Variants in CSMD1 observed in about 807,000 individuals in gnomAD.
The protein encoded by CSMD1 is CUB and Sushi multiple domains 1.
In CSMD1, 213 loss-of-function variants were observed where a neutral mutation model predicts 417.5. The ratio of observed to expected loss-of-function variants is 0.51; its 90% confidence interval spans 0.46 to 0.57. CSMD1 has a LOEUF of 0.57. CSMD1 is among the 20% of genes least tolerant of loss of function. CSMD1 has a pLI of 0.00. For missense variants in CSMD1, 6,923 were observed against 4,529.7 expected, an observed-to-expected ratio of 1.53 and a Z score of -15.17; for synonymous variants, 2,862 against 1,736.8, an observed-to-expected ratio of 1.65 and a Z score of -16.11.
intron 2 of CSMD1, among the ~76,000 whole-genome samples, chr8:4,578,598 C>CCT (rs1799254230): frequency 6.6e-6 from 1 of 151,112 alleles, no homozygotes; most frequent in Admixed American, 6.6e-5. Flanking sequence ...GGGCGGTTCA[C>CCT]GAGGTCAGGA....
intron 1 of CSMD1, among the ~76,000 whole-genome samples, chr8:4,666,002 G>A (rs115123650): frequency 3.3e-5 from 5 of 152,054 alleles, no homozygotes; most frequent in African/African-American, 4.8e-5. Context: ...ACTCTGCATC[G>A]GCAGCAGCAC....
chr8:4,076,297 A>G (rs772313929), intron 3 of CSMD1, among the ~76,000 whole-genome samples: 2 of 152,154 alleles, frequency 1.3e-5, no homozygotes, highest in Non-Finnish European at 2.9e-5. Flanking sequence ...CTCTGCCATG[A>G]TTTTAAGTTT....
At chr8:4,099,407 T>C (rs75462004) in intron 3 of CSMD1, among the ~76,000 whole-genome samples, 61 of 152,224 alleles carry the variant, frequency 4.0e-4, no homozygotes, top group Non-Finnish European at 8.1e-4. Flanking sequence ...TGAAGCTGCT[T>C]TCTAAAGCCT....
intron 3 of CSMD1, among the ~76,000 whole-genome samples, chr8:4,366,389 A>G (rs541643348): frequency 6.6e-6 from 1 of 152,184 alleles, no homozygotes; most frequent in Non-Finnish European, 1.5e-5. Context: ...TGCAATGAAC[A>G]TATGCATGCA....
chr8:4,074,901 G>A (rs1008951018), intron 3 of CSMD1, among the ~76,000 whole-genome samples: 5 of 152,050 alleles, frequency 3.3e-5, no homozygotes, highest in Admixed American at 6.6e-5. Flanking sequence ...CGTGGCAGAA[G>A]TAGTTTCTCT....
At chr8:3,528,145 C>A (rs1563124346) in intron 10 of CSMD1, among the ~76,000 whole-genome samples, 1 of 152,178 alleles carries the variant, frequency 6.6e-6, no homozygotes, top group African/African-American at 2.4e-5. Context: ...AGGGAGCTGA[C>A]ATAGAATTAT....
In CSMD1 at chr8:4,364,593, G is replaced by A. The variant is rs1375056243; in HGVS notation, c.415+55360C>T. Among the ~76,000 whole-genome samples, 2 of 17,246 alleles carry A rather than the reference G, an allele frequency of 1.2e-4. 1 individual carries two copies. Among genetic ancestry groups the A allele is most frequent in the Non-Finnish European group, 1.9e-4 (2 of 10,606 alleles). The allele number at this position is 17,246 out of a possible 152,430, so 11.3% of individuals were successfully genotyped here. On this transcript the variant is annotated intron_variant, in intron 3 of 69. Coordinates refer to ENST00000635120, the MANE Select transcript of CSMD1 (RefSeq NM_033225.6). The stretch of plus-strand genomic sequence containing the variant: ...TAATCCCAGCACTTTGGGAGGCCGA[G>A]GCGGGCGGATCACGAGGTCAGGAGA...
intron 26 of CSMD1, among the ~76,000 whole-genome samples, chr8:3,275,885 T>G (rs1802251012): frequency 6.6e-6 from 1 of 152,176 alleles, no homozygotes; most frequent in Non-Finnish European, 1.5e-5. Context: ...TGTCCTCCTG[T>G]AGCTCAGAGT....
intron 4 of CSMD1, among the ~76,000 whole-genome samples, chr8:4,019,964 C>A (rs1733786007): frequency 1.3e-5 from 2 of 150,770 alleles, no homozygotes; most frequent in South Asian, 4.2e-4. Flanking sequence ...ATATTGAGAT[C>A]CTGTAGCTTA....
chr8:3,521,646 G>C (rs760793718), intron 10 of CSMD1, among the ~76,000 whole-genome samples: 2 of 152,148 alleles, frequency 1.3e-5, no homozygotes, highest in Non-Finnish European at 2.9e-5. Context: ...TTTACAGGAG[G>C]ATTAAACAGT....
intron 3 of CSMD1, among the ~76,000 whole-genome samples, chr8:4,388,984 A>G (rs1200756829): frequency 1.3e-5 from 2 of 152,116 alleles, no homozygotes; most frequent in Non-Finnish European, 2.9e-5. Flanking sequence ...GTAACATAAC[A>G]TGTTCTTTGT....
intron 54 of CSMD1, among the ~76,000 whole-genome samples, chr8:2,988,281 C>T (rs1806099188): frequency 6.6e-6 from 1 of 152,044 alleles, no homozygotes; most frequent in Non-Finnish European, 1.5e-5. Flanking sequence ...TTTCTTTATG[C>T]TTATGTACAT....
At chr8:4,554,716 A>G (rs1287616934) in intron 2 of CSMD1, among the ~76,000 whole-genome samples, 1 of 152,190 alleles carries the variant, frequency 6.6e-6, no homozygotes, top group Non-Finnish European at 1.5e-5. Flanking sequence ...TAGGTTTGCA[A>G]GTTTTACTAT....
intron 6 of CSMD1, among the ~76,000 whole-genome samples, chr8:3,715,735 G>A (rs1332955828): frequency 6.6e-6 from 1 of 152,064 alleles, no homozygotes; most frequent in Non-Finnish European, 1.5e-5. Flanking sequence ...TAGAGACACG[G>A]TTTCACCATG....
chr8:3,416,368 A>C (rs1049931247), intron 12 of CSMD1, among the ~76,000 whole-genome samples: 2 of 152,066 alleles, frequency 1.3e-5, no homozygotes, highest in Admixed American at 1.3e-4. Context: ...CCTTTAACAA[A>C]ACAAATAACA....
At chr8:3,124,748 G>C (rs1490653750) in intron 41 of CSMD1, among the ~76,000 whole-genome samples, 1 of 152,072 alleles carries the variant, frequency 6.6e-6, no homozygotes, top group African/African-American at 2.4e-5. Flanking sequence ...TTTATAAGTG[G>C]ACACAGACAT....
At chr8:4,389,195 T>C (rs558654495) in intron 3 of CSMD1, among the ~76,000 whole-genome samples, 1 of 152,338 alleles carries the variant, frequency 6.6e-6, no homozygotes, top group East Asian at 1.9e-4. Flanking sequence ...CTGTTACTTT[T>C]TCTGGAGGGA....
chr8:4,230,927 C>G (rs773180214), intron 3 of CSMD1, among the ~76,000 whole-genome samples: 1 of 149,650 alleles, frequency 6.7e-6, no homozygotes, highest in Non-Finnish European at 1.5e-5. Context: ...TTTTTAATCT[C>G]CTGTTTTTTT....
At chr8:4,023,188 T>C (rs1254198408) in intron 4 of CSMD1, among the ~76,000 whole-genome samples, 1 of 152,186 alleles carries the variant, frequency 6.6e-6, no homozygotes, top group Non-Finnish European at 1.5e-5. Flanking sequence ...CAGTGCAATG[T>C]TGCAGGCTAC....
Sources: gnomAD v4.1 joint callset for allele counts (sites outside exome capture counted in the v4.1 genomes callset) on GRCh38, gnomAD v4.1.1 for gene constraint, MANE v1.5 for transcripts, NCBI Gene and HGNC (gene_info 2026-07-23, HGNC 2026-07-21) for gene names.